Variants in GTF2H1 observed in about 807,000 individuals in gnomAD.
GTF2H1 encodes the protein BTF2 p62.
In GTF2H1, 16 loss-of-function variants were observed where a neutral mutation model predicts 71.2. The observed-to-expected ratio is 0.22, with a 90% CI of 0.15 to 0.34. The LOEUF (loss-of-function observed/expected upper bound fraction) is 0.34. Ranked by LOEUF, GTF2H1 falls within the 10% of genes least tolerant of loss-of-function variation. GTF2H1 has a pLI of 1.00. For missense variants in GTF2H1, 498 were observed against 648.2 expected (o/e 0.77, Z 2.52); for synonymous variants, 215 against 219.0 (o/e 0.98, Z 0.16).
intron 1 of GTF2H1, among the ~76,000 whole-genome samples, chr11:18,331,727 A>G (rs1343485262): frequency 6.6e-6 from 1 of 151,258 alleles, no homozygotes; most frequent in Non-Finnish European, 1.5e-5. Context: ...TAACTTTATT[A>G]CAAGAATTTC....
At chr11:18,323,935 G>T (rs1184800106) in intron 1 of GTF2H1, among the ~76,000 whole-genome samples, 1 of 152,216 alleles carries the variant, frequency 6.6e-6, no homozygotes. Context: ...CTAGTAGCAG[G>T]CCTTGGACTT....
chr11:18,353,594 CCT>C (rs762069455), intron 11 of GTF2H1, among the ~76,000 whole-genome samples: 14 of 152,306 alleles, frequency 9.2e-5, no homozygotes, highest in Non-Finnish European at 1.5e-4. Context: ...AGTTTCATTG[CCT>C]CTGGAAAGTA....
intron 1 of GTF2H1, among the ~76,000 whole-genome samples, chr11:18,326,893 G>A (rs753360454): frequency 6.6e-6 from 1 of 151,770 alleles, no homozygotes; most frequent in African/African-American, 2.4e-5. Flanking sequence ...AATTTGTATG[G>A]TTTGCAGTCC....
chr11:18,361,836 C>G (rs551208635), intron 14 of GTF2H1, among the ~76,000 whole-genome samples: 1 of 152,324 alleles, frequency 6.6e-6, no homozygotes, highest in South Asian at 2.1e-4. Flanking sequence ...ATCAGCTTCC[C>G]TGATTGTTTA....
intron 4 of GTF2H1, 30 bp from the exon 5 acceptor site, chr11:18,339,534 A>C (rs770327938): frequency 6.8e-7 from 1 of 1,475,620 alleles, no homozygotes. Flanking sequence ...TGATGCTCTA[A>C]CGTGTATGTG....
At chr11:18,328,490 G>A (rs904261418) in intron 1 of GTF2H1, among the ~76,000 whole-genome samples, 19 of 147,530 alleles carry the variant, frequency 1.3e-4, no homozygotes, top group African/African-American at 4.3e-4. Flanking sequence ...TCCAGCCTGG[G>A]TGACAGAGCA....
intron 7 of GTF2H1, among the ~76,000 whole-genome samples, chr11:18,342,383 T>G (rs1289826933): frequency 6.8e-6 from 1 of 146,698 alleles, no homozygotes; most frequent in African/African-American, 2.5e-5. Flanking sequence ...TGCCTCAGCC[T>G]CCCAAGTAGC....
Position 18,358,527 on chromosome 11 carries a change from A to G in GTF2H1, c.1354A>G (p.Met452Val). The change falls in exon 13 of 15, where the codon ATG (methionine) becomes GTG (valine). Residue 452 changes from methionine (M) to valine (V), a missense_variant and splice_region_variant. Physicochemically the swap from Met to Val is conservative, Grantham distance 21. This residue lies in a region of GTF2H1 where 266 missense variants were observed against 301.6 expected (regional missense o/e 0.88). Transcript: ENST00000265963. ...QGGTQQAINQ[M>V]VPNDIQSELK... ...TGGGCCTTGTTCTTCTTTTGCAGAG[A>G]TGGTGCCAAATGATATTCAATCTGA... 6.3e-7 allele frequency: 1 copy of G among 1,575,358 alleles called. No individual in the cohort carries two copies. The highest frequency in any genetic ancestry group is 8.7e-7 in the Non-Finnish European group (1 of 1,144,924).
intron 1 of GTF2H1, among the ~76,000 whole-genome samples, chr11:18,327,639 C>G (rs1030472134): frequency 2.6e-5 from 4 of 152,168 alleles, no homozygotes; most frequent in Admixed American, 1.3e-4. Flanking sequence ...TACTCTGTCA[C>G]CCAGACTGGA....
At chr11:18,364,789 A>G (rs376475966) in intron 14 of GTF2H1, among the ~76,000 whole-genome samples, 6 of 152,168 alleles carry the variant, frequency 3.9e-5, no homozygotes, top group Admixed American at 1.3e-4. Context: ...GGAGTTGGAA[A>G]AACCCTAAAA....
intron 1 of GTF2H1, among the ~76,000 whole-genome samples, chr11:18,331,739 G>A (rs906629356): frequency 6.6e-6 from 1 of 151,394 alleles, no homozygotes; most frequent in Non-Finnish European, 1.5e-5. Flanking sequence ...AAGAATTTCT[G>A]ATTTCTATTG....
chr11:18,343,777 A>T (rs959494779), intron 7 of GTF2H1, among the ~76,000 whole-genome samples: 2 of 152,134 alleles, frequency 1.3e-5, no homozygotes, highest in Non-Finnish European at 2.9e-5. Flanking sequence ...TCCCTCTCTT[A>T]GTAAAAAGCA....
intron 7 of GTF2H1, among the ~76,000 whole-genome samples, chr11:18,343,847 CT>C (rs1865221876): frequency 6.6e-6 from 1 of 152,066 alleles, no homozygotes; most frequent in Non-Finnish European, 1.5e-5. Context: ...TCTTCCTCTT[CT>C]TTTTTATGAC....
In GTF2H1 at chr11:18,358,621, C is replaced by G. The variant is rs771520878; in HGVS notation, c.1448C>G (p.Thr483Arg). Residue 483 changes from threonine to arginine, a missense_variant, in exon 13 of 15, where the codon ACG (threonine) becomes AGG (arginine). By Grantham distance (71) the Thr-to-Arg change is moderately conservative. Coordinates refer to ENST00000265963, the MANE Select transcript of GTF2H1 (RefSeq NM_005316.4). ...RHFWSCFPVN[T>R]PFLEEKVVKM... ...TTCTGGTCCTGCTTTCCTGTTAATA[C>G]GCCATTCCTAGAAGAAAAGGTTAGA... is the stretch of plus-strand genomic sequence containing the variant. The G allele has an allele frequency of 6.2e-7, 1 of 1,600,712 alleles. No individual in the cohort carries two copies. The highest frequency in any genetic ancestry group is 1.1e-5 in the South Asian group (1 of 90,782).
rs368113501 is a variant in GTF2H1, at chr11:18,327,029, G to A, written c.-16+4289G>A. ...ATAGAAAAATTAGCTGGGCGTGGTG[G>A]CAGATGCCTATAATCCCAGCTACTT... is the stretch of plus-strand genomic sequence containing the variant. On this transcript the variant is annotated intron_variant, in intron 1 of 14. Coordinates refer to ENST00000265963, the MANE Select transcript of GTF2H1 (RefSeq NM_005316.4). Among the ~76,000 whole-genome samples, 54 of 152,180 alleles carry A rather than the reference G, an allele frequency of 3.5e-4. 1 individual carries two copies. In the East Asian group the frequency reaches 9.8e-3, roughly 28 times the overall value.
intron 1 of GTF2H1, among the ~76,000 whole-genome samples, chr11:18,326,761 A>C (rs543037978): frequency 6.6e-6 from 1 of 152,302 alleles, no homozygotes; most frequent in Non-Finnish European, 1.5e-5. Flanking sequence ...ACTTAAAATT[A>C]TCCTACTTAA....
At chr11:18,354,039 T>C (rs1865485356) in intron 11 of GTF2H1, among the ~76,000 whole-genome samples, 1 of 152,238 alleles carries the variant, frequency 6.6e-6, no homozygotes. Flanking sequence ...TTATTTCTCA[T>C]GTGTTTTTAG....
At chr11:18,337,130 A>G (rs1427713658) in intron 3 of GTF2H1, among the ~76,000 whole-genome samples, 1 of 152,144 alleles carries the variant, frequency 6.6e-6, no homozygotes, top group African/African-American at 2.4e-5. Flanking sequence ...TAGCGCCATG[A>G]AAAATCCATT....
intron 11 of GTF2H1, among the ~76,000 whole-genome samples, chr11:18,356,877 C>T (rs1239579401): frequency 6.8e-6 from 1 of 147,746 alleles, no homozygotes; most frequent in Non-Finnish European, 1.5e-5. Context: ...GCAGCCTCAA[C>T]TTCCCCAGGC....
Sources: gnomAD v4.1 joint callset for allele counts (sites outside exome capture counted in the v4.1 genomes callset) on GRCh38, gnomAD v4.1.1 for gene constraint, gnomAD v4.1.1 regional missense constraint, MANE v1.5 for transcripts, NCBI Gene and HGNC (gene_info 2026-07-23, HGNC 2026-07-21) for gene names.